DHRSX: variants seen among roughly 807,000 people sequenced by gnomAD.
The protein encoded by DHRSX is polyprenol dehydrogenase.
In DHRSX, 31 loss-of-function variants were observed where a neutral mutation model predicts 34.0. The observed-to-expected ratio is 0.91, with a 90% CI of 0.69 to 1.23. DHRSX has a LOEUF of 1.23. DHRSX is among the 50% of genes most tolerant of loss of function. The probability of loss-of-function intolerance (pLI) is 0.00; values close to 1 mark genes in which losing one functional copy is unlikely to be tolerated. For synonymous variants in DHRSX, 201 were observed against 183.8 expected (o/e 1.09, Z -0.76); for missense variants, 414 against 428.1 (o/e 0.97, Z 0.29).
At chrX:2,455,280 C>T (rs1406898079) in intron 1 of DHRSX, among the ~76,000 whole-genome samples, 7 of 151,856 alleles carry the variant, frequency 4.6e-5, no homozygotes, top group South Asian at 2.1e-4. Flanking sequence ...GATCAGACTC[C>T]GGGGCCTGCT....
At chrX:2,354,554 C>T (rs9785536) in intron 3 of DHRSX, among the ~76,000 whole-genome samples, 2,260 of 152,268 alleles carry the variant, frequency 0.015, 51 homozygotes, top group African/African-American at 0.052. Context: ...CTCTGTCTCC[C>T]GGGTTCACAC....
chrX:2,493,245 A>G (rs2045202218), intron 1 of DHRSX, among the ~76,000 whole-genome samples: 1 of 152,110 alleles, frequency 6.6e-6, no homozygotes, highest in African/African-American at 2.4e-5. Flanking sequence ...CAGTCAACGG[A>G]GGGGGAAAAG....
chrX:2,270,172 T>G (rs1315276951), intron 4 of DHRSX, among the ~76,000 whole-genome samples: 3 of 152,164 alleles, frequency 2.0e-5, no homozygotes, highest in Non-Finnish European at 4.4e-5. Flanking sequence ...CCCTATAAAT[T>G]TTTGATGCGT....
chrX:2,268,036 C>T (rs1445306805), intron 4 of DHRSX, among the ~76,000 whole-genome samples: 1 of 152,146 alleles, frequency 6.6e-6, no homozygotes, highest in Admixed American at 6.6e-5. Context: ...TGAGAAATGC[C>T]GACCTCAGTA....
At chrX:2,302,727 CATGTTCAGAAATTGAAAGTAA>C (rs2042028396) in intron 3 of DHRSX, among the ~76,000 whole-genome samples, 1 of 152,066 alleles carries the variant, frequency 6.6e-6, no homozygotes, top group African/African-American at 2.4e-5. Flanking sequence ...TGTGGTGAGA[CATGTTCAGAAATTGAAAGTAA>C]ATGTTTAGAA....
intron 4 of DHRSX, among the ~76,000 whole-genome samples, chrX:2,288,545 C>T (rs180731834): frequency 1.2e-3 from 180 of 152,258 alleles, no homozygotes; most frequent in Non-Finnish European, 1.6e-3. Flanking sequence ...GCTTTAAGGC[C>T]GGGTTGGAGG....
At chrX:2,411,289 A>G (rs73191365) in intron 2 of DHRSX, among the ~76,000 whole-genome samples, 10,557 of 152,018 alleles carry the variant, frequency 0.069, 473 homozygotes, top group Non-Finnish European at 0.093. Context: ...CATGCCTGTA[A>G]TCTCAGCCCT....
chrX:2,373,164 A>G (rs187561474), intron 3 of DHRSX, among the ~76,000 whole-genome samples: 4 of 152,314 alleles, frequency 2.6e-5, no homozygotes, highest in African/African-American at 7.2e-5. Flanking sequence ...AGATCTCGTG[A>G]GAACACACTC....
At chrX:2,353,982 C>T (rs1284730037) in intron 3 of DHRSX, among the ~76,000 whole-genome samples, 2 of 152,118 alleles carry the variant, frequency 1.3e-5, no homozygotes, top group Non-Finnish European at 2.9e-5. Context: ...AAGAAGGCAG[C>T]GTATCCCTTC....
chrX:2,428,294 A>G (rs2124653736), intron 1 of DHRSX, among the ~76,000 whole-genome samples: 1 of 152,316 alleles, frequency 6.6e-6, no homozygotes. Flanking sequence ...AGGTTTATAA[A>G]TCATTCCACT....
chrX:2,306,996 G>T (rs1334343526), intron 3 of DHRSX, among the ~76,000 whole-genome samples: 1 of 149,346 alleles, frequency 6.7e-6, no homozygotes, highest in African/African-American at 2.5e-5. Flanking sequence ...GTCATGAAAT[G>T]AGTCTGTTCT....
At chrX:2,344,743 T>A (rs922179263) in intron 3 of DHRSX, among the ~76,000 whole-genome samples, 1 of 151,344 alleles carries the variant, frequency 6.6e-6, no homozygotes, top group Non-Finnish European at 1.5e-5. Flanking sequence ...AGGTATAGCA[T>A]TAGGAGAAAT....
intron 6 of DHRSX, among the ~76,000 whole-genome samples, chrX:2,221,804 A>C (rs1293668378): frequency 4.6e-5 from 7 of 152,150 alleles, no homozygotes; most frequent in Admixed American, 4.6e-4. Context: ...GGAAGGCGAT[A>C]ATCTTGAAAC....
In DHRSX at chrX:2,427,270, A is replaced by G. The variant is rs894919866; in HGVS notation, c.110-1966T>C. ...TGGCTGGCTAGCTGGAGCCAAGCAC[A>G]TGGAAGGAGGGAAGAGAGGAGGGAA... On this transcript the variant is annotated intron_variant, in intron 1 of 6. Coordinates refer to ENST00000334651, the MANE Select transcript of DHRSX (RefSeq NM_145177.3). Among the ~76,000 whole-genome samples, 285 of 152,314 alleles carry G rather than the reference A, an allele frequency of 1.9e-3. 3 individuals are homozygous for G. The highest frequency in any genetic ancestry group is 6.6e-3 in the African/African-American group (274 of 41,572).
chrX:2,265,329 G>A (rs1203529626), intron 5 of DHRSX, among the ~76,000 whole-genome samples: 1 of 45,136 alleles, frequency 2.2e-5, no homozygotes. Flanking sequence ...CTCAGCAGAC[G>A]CAGGGAGCAC....
chrX:2,476,865 G>T (rs776373252), intron 1 of DHRSX, among the ~76,000 whole-genome samples: 1 of 152,090 alleles, frequency 6.6e-6, no homozygotes, highest in Admixed American at 6.6e-5. Flanking sequence ...AGCCGGGTGT[G>T]GTAGTGCATG....
intron 3 of DHRSX, among the ~76,000 whole-genome samples, chrX:2,392,714 T>A (rs1320251887): frequency 6.9e-6 from 1 of 144,602 alleles, no homozygotes; most frequent in Admixed American, 7.0e-5. Context: ...TATACTTATA[T>A]ATTATAAATT....
intron 3 of DHRSX, among the ~76,000 whole-genome samples, chrX:2,336,844 T>C (rs2042572820): frequency 2.7e-5 from 2 of 74,730 alleles, no homozygotes; most frequent in Admixed American, 1.3e-4. Flanking sequence ...GATAGATAGA[T>C]AGATATAGAT....
intron 3 of DHRSX, among the ~76,000 whole-genome samples, chrX:2,333,189 ATTC>A (rs1221236756): frequency 6.6e-6 from 1 of 152,168 alleles, no homozygotes; most frequent in Non-Finnish European, 1.5e-5. Flanking sequence ...GATGCATTTT[ATTC>A]TTTTTTATAA....
Sources: gnomAD v4.1 joint callset for allele counts (sites outside exome capture counted in the v4.1 genomes callset) on GRCh38, gnomAD v4.1.1 for gene constraint, MANE v1.5 for transcripts, NCBI Gene and HGNC (gene_info 2026-07-23, HGNC 2026-07-21) for gene names.